DTD1: variants seen among roughly 807,000 people sequenced by gnomAD.
DTD1 encodes D-aminoacyl-tRNA deacylase 1, also known as D-tyrosyl-tRNA deacylase 1 homolog.
In DTD1, 13 loss-of-function variants were observed where a neutral mutation model predicts 25.6. The ratio of observed to expected loss-of-function variants is 0.51; its 90% CI spans 0.33 to 0.81. The LOEUF is 0.81. Ranked by LOEUF, DTD1 falls within the 30% of genes least tolerant of loss-of-function variation. The pLI is 0.02. For missense variants in DTD1, 193 were observed against 266.4 expected (o/e 0.72, Z 1.92); for synonymous variants, 110 against 103.6 (o/e 1.06, Z -0.37).
At chr20:18,631,778 G>C in intron 4 of DTD1, 1 of 985,144 alleles carries the variant, frequency 1.0e-6, no homozygotes, top group Non-Finnish European at 1.2e-6. Context: ...ATAGTTTTTA[G>C]TTATTATTCT....
At chr20:18,651,482 A>C (rs1397005626) in intron 4 of DTD1, among the ~76,000 whole-genome samples, 1 of 152,246 alleles carries the variant, frequency 6.6e-6, no homozygotes, top group Non-Finnish European at 1.5e-5. Flanking sequence ...TTGTTGGTAC[A>C]TAATCTGCCT....
chr20:18,745,104 G>A (rs897820522), intron 5 of DTD1, among the ~76,000 whole-genome samples: 3 of 152,124 alleles, frequency 2.0e-5, no homozygotes, highest in African/African-American at 7.2e-5. Flanking sequence ...CTCCCTTCCT[G>A]CTCTTAGCCA....
At chr20:18,644,577 T>C (rs1773757002) in intron 4 of DTD1, among the ~76,000 whole-genome samples, 1 of 152,198 alleles carries the variant, frequency 6.6e-6, no homozygotes, top group Admixed American at 6.5e-5. Context: ...CTTAATAGAA[T>C]TTAATAAAAT....
At chr20:18,660,395 T>G (rs1451428107) in intron 4 of DTD1, among the ~76,000 whole-genome samples, 1 of 151,906 alleles carries the variant, frequency 6.6e-6, no homozygotes, top group Non-Finnish European at 1.5e-5. Flanking sequence ...AATTTTTGTA[T>G]TTTTTTGTGG....
chr20:18,686,501 A>G (rs1328473611), intron 4 of DTD1, among the ~76,000 whole-genome samples: 1 of 152,216 alleles, frequency 6.6e-6, no homozygotes. Flanking sequence ...GCAAAGTATA[A>G]GAGTACTTGT....
At chr20:18,632,207 A>T in intron 4 of DTD1, 15 of 985,412 alleles carry the variant, frequency 1.5e-5, no homozygotes, top group Non-Finnish European at 1.7e-5. Context: ...TTAAACTTCT[A>T]ACGAGCCATG....
In DTD1 at chr20:18,755,661, A is replaced by G. The variant is rs567152514; in HGVS notation, c.*20-7699A>G. Among the ~76,000 whole-genome samples, 294 of 152,332 alleles carry G rather than the reference A, an allele frequency of 1.9e-3. 1 individual carries two copies. The highest frequency in any genetic ancestry group is 6.6e-3 in the African/African-American group (273 of 41,574). ...TATATGTGCCACATTTTCTTAATCC[A>G]GTCTATCATTGTTGGACATTTGGGT... is the stretch of plus-strand genomic sequence containing the variant. On this transcript the variant is annotated intron_variant, in intron 5 of 5. Coordinates refer to ENST00000377452, the MANE Select transcript of DTD1 (RefSeq NM_080820.6).
chr20:18,635,638 A>G (rs1315490264), intron 4 of DTD1, among the ~76,000 whole-genome samples: 1 of 152,156 alleles, frequency 6.6e-6, no homozygotes, highest in African/African-American at 2.4e-5. Flanking sequence ...TTGCATGAAT[A>G]TTTGGTATGA....
chr20:18,626,965 G>T (rs1323136640), intron 3 of DTD1, among the ~76,000 whole-genome samples: 1 of 152,132 alleles, frequency 6.6e-6, no homozygotes, highest in Non-Finnish European at 1.5e-5. Context: ...TTAAACACAT[G>T]ATTTCCTTCC....
At chr20:18,676,399 T>TA (rs2060974924) in intron 4 of DTD1, among the ~76,000 whole-genome samples, 1 of 151,760 alleles carries the variant, frequency 6.6e-6, no homozygotes, top group Admixed American at 6.6e-5. Context: ...CTTGTTTTTT[T>TA]AAAAAAGTCA....
chr20:18,708,763 C>T (rs2122474338), intron 4 of DTD1, among the ~76,000 whole-genome samples: 1 of 152,260 alleles, frequency 6.6e-6, no homozygotes, highest in South Asian at 2.1e-4. Flanking sequence ...TTTCTTTGAG[C>T]AGCACTGGCT....
Position 18,744,197 on chromosome 20 carries a change from A to G in DTD1, c.575A>G (p.Asp192Gly). 1 of 1,612,300 alleles carries G rather than the reference A, an allele frequency of 6.2e-7. No homozygotes were observed. Among genetic ancestry groups the G allele is most frequent in the Admixed American group, 1.7e-5 (1 of 60,028 alleles). Reference sequence around the variant, plus strand: ...GAAAGAAACACTCCCCGAAAAGAAGACCGCAGTGCCAGCAGCGGGGCTGAG... The same window carrying G: ...GAAAGAAACACTCCCCGAAAAGAAGGCCGCAGTGCCAGCAGCGGGGCTGAG... ...SKERNTPRKE[D>G]RSASSGAEGD... The change falls in exon 5 of 6, where the codon GAC becomes GGC. Residue 192 changes from aspartate to glycine, a missense_variant. By Grantham distance (94) the Asp-to-Gly change is moderately conservative. Coordinates refer to ENST00000377452, the MANE Select transcript of DTD1 (RefSeq NM_080820.6).
At chr20:18,594,137 T>C (rs1040405979) in intron 2 of DTD1, among the ~76,000 whole-genome samples, 4 of 152,194 alleles carry the variant, frequency 2.6e-5, no homozygotes, top group Admixed American at 1.3e-4. Context: ...TTCTCTTTTT[T>C]AAATTGGGCA....
intron 3 of DTD1, among the ~76,000 whole-genome samples, chr20:18,623,287 C>G (rs997162132): frequency 6.6e-6 from 1 of 152,002 alleles, no homozygotes; most frequent in Non-Finnish European, 1.5e-5. Flanking sequence ...TATCTAGAGT[C>G]ACATTAATTT....
At chr20:18,601,816 G>A (rs2060636511) in intron 3 of DTD1, among the ~76,000 whole-genome samples, 1 of 152,028 alleles carries the variant, frequency 6.6e-6, no homozygotes, top group Non-Finnish European at 1.5e-5. Context: ...AAACCGCAAA[G>A]ATGGGGAAAA....
chr20:18,711,545 G>T (rs767804869), intron 4 of DTD1, among the ~76,000 whole-genome samples: 2 of 151,952 alleles, frequency 1.3e-5, no homozygotes, highest in Non-Finnish European at 1.5e-5. Context: ...ATGTGATGGT[G>T]TGAGGATAAA....
At chr20:18,656,541 C>G (rs1326435294) in intron 4 of DTD1, among the ~76,000 whole-genome samples, 1 of 152,198 alleles carries the variant, frequency 6.6e-6, no homozygotes, top group African/African-American at 2.4e-5. Flanking sequence ...TGTTCCCATT[C>G]AGTTCTTGGG....
chr20:18,600,779 ACTT>A (rs2060630586), intron 3 of DTD1, among the ~76,000 whole-genome samples: 1 of 152,006 alleles, frequency 6.6e-6, no homozygotes, highest in Non-Finnish European at 1.5e-5. Context: ...TTCTTTAATC[ACTT>A]CTTTAATTTT....
intron 4 of DTD1, among the ~76,000 whole-genome samples, chr20:18,731,677 C>T (rs2061239453): frequency 1.3e-5 from 2 of 152,138 alleles, no homozygotes; most frequent in Admixed American, 6.5e-5. Context: ...GAAGACTCAA[C>T]ACTCTTCACT....
Sources: allele counts gnomAD v4.1 joint callset (sites outside exome capture counted in the v4.1 genomes callset), GRCh38; gene constraint gnomAD v4.1.1; transcripts MANE v1.5; gene names NCBI Gene and HGNC (gene_info 2026-07-23, HGNC 2026-07-21).